PMEPA1: variants seen among roughly 807,000 people sequenced by gnomAD.
PMEPA1 encodes the protein prostate transmembrane protein, androgen induced 1.
Under a neutral mutation model 23.0 loss-of-function variants are expected in PMEPA1, and 11 were observed. The ratio of observed to expected loss-of-function variants is 0.48; its 90% CI spans 0.30 to 0.79. The LOEUF (loss-of-function observed/expected upper bound fraction) is 0.79. PMEPA1 is among the 30% of genes least tolerant of loss of function. PMEPA1 has a pLI of 0.06. For missense variants in PMEPA1, 377 were observed against 390.9 expected (o/e 0.96, Z 0.30); for synonymous variants, 204 against 166.4 (o/e 1.23, Z -1.74).
intron 1 of PMEPA1, among the ~76,000 whole-genome samples, chr20:57,672,953 T>C (rs1243178494): frequency 2.0e-5 from 3 of 152,196 alleles, no homozygotes; most frequent in Admixed American, 6.5e-5. Flanking sequence ...CACGGGTTGC[T>C]GTGTGGATGC....
rs6025695 is a variant in PMEPA1, at chr20:57,650,706, C to T, written c.*1347G>A. ...TTGGTGTTTGCTCAACTGCTTTACTCATTTTAACCCTTTCACCTATCCTGG... is the reference window on the plus strand; with the variant it reads ...TTGGTGTTTGCTCAACTGCTTTACTTATTTTAACCCTTTCACCTATCCTGG... On this transcript the variant is annotated 3_prime_UTR_variant, in exon 4 of 4. Transcript: ENST00000341744. 0.093 allele frequency: 14,106 copies of T among 152,288 alleles called. 1,306 individuals carry two copies. The highest frequency in any genetic ancestry group is 0.24 in the African/African-American group (9,844 of 41,528). 9.4% of individuals were successfully genotyped at this position (152,288 alleles called of 1,614,324 possible).
rs6015059 is a variant in PMEPA1 at position 57,704,330 on chromosome 20, C to T, written c.109+5144G>A. On this transcript the variant is annotated intron_variant, in intron 1 of 3. Transcript: ENST00000341744. This position sits in a 1 kb window ranked among gnomAD's most constrained non-coding sequence, Gnocchi z 4.6. Reference sequence around the variant, plus strand: ...TCCCTGAACCATGCTCCCCCAGCCTCGGGGAGCCCCTGGCACAGCATGGTA... The same window carrying T: ...TCCCTGAACCATGCTCCCCCAGCCTTGGGGAGCCCCTGGCACAGCATGGTA... 1.3e-3 allele frequency among the ~76,000 whole-genome samples: 198 copies of T among 152,272 alleles called. 1 individual carries two copies. The highest frequency in any genetic ancestry group is 4.5e-3 in the African/African-American group (189 of 41,548).
chr20:57,684,940 GCA>G (rs1304106912), intron 1 of PMEPA1, among the ~76,000 whole-genome samples: 1 of 152,010 alleles, frequency 6.6e-6, no homozygotes, highest in Non-Finnish European at 1.5e-5. Context: ...TATAAAATTA[GCA>G]CAGTCAAGTA....
At chr20:57,660,091 A>G (rs1460265658) in intron 1 of PMEPA1, among the ~76,000 whole-genome samples, 2 of 152,178 alleles carry the variant, frequency 1.3e-5, no homozygotes, top group Non-Finnish European at 2.9e-5. Context: ...AGCCCTGCGC[A>G]CTGGCTCCTG....
chr20:57,710,519 T>C, upstream of PMEPA1: 2 of 1,582,558 alleles, frequency 1.3e-6, no homozygotes, highest in East Asian at 2.4e-5. Flanking sequence ...TCGGGGATCA[T>C]GGCCCACTGA....
At chr20:57,661,517 T>G (rs1372669290) in intron 1 of PMEPA1, among the ~76,000 whole-genome samples, 3 of 152,124 alleles carry the variant, frequency 2.0e-5, no homozygotes. Context: ...AACAAGCAAT[T>G]AGCCAGGCTC....
intron 1 of PMEPA1, among the ~76,000 whole-genome samples, chr20:57,669,425 T>C (rs1363193557): frequency 6.6e-6 from 1 of 152,152 alleles, no homozygotes; most frequent in Non-Finnish European, 1.5e-5. Flanking sequence ...CCTCCAAAAG[T>C]GCTGGGATTA....
chr20:57,664,223 C>T (rs1048839470), intron 1 of PMEPA1, among the ~76,000 whole-genome samples: 12 of 152,166 alleles, frequency 7.9e-5, no homozygotes, highest in Non-Finnish European at 1.3e-4. Flanking sequence ...GGCCTGGTCC[C>T]GGGACTCACC....
intron 1 of PMEPA1, among the ~76,000 whole-genome samples, chr20:57,697,249 C>T (rs1037271431): frequency 5.3e-5 from 8 of 152,180 alleles, no homozygotes; most frequent in African/African-American, 1.2e-4. Flanking sequence ...ATCCACAACC[C>T]GATGGTCAAC....
chr20:57,684,339 C>T (rs1170867799), intron 1 of PMEPA1, among the ~76,000 whole-genome samples: 1 of 152,186 alleles, frequency 6.6e-6, no homozygotes, highest in African/African-American at 2.4e-5. Context: ...GCAGCCCTCG[C>T]TCCAGAAGGG....
At chr20:57,663,867 C>G (rs540705169) in intron 1 of PMEPA1, among the ~76,000 whole-genome samples, 65 of 152,306 alleles carry the variant, frequency 4.3e-4, no homozygotes, top group Middle Eastern at 3.4e-3. Flanking sequence ...CCCGAAATCT[C>G]CATCCAGCTC....
chr20:57,687,091 G>A (rs1429759803), intron 1 of PMEPA1, among the ~76,000 whole-genome samples: 1 of 152,258 alleles, frequency 6.6e-6, no homozygotes, highest in African/African-American at 2.4e-5. Context: ...CAGCCCACAA[G>A]CTCTGCCGTC....
intron 1 of PMEPA1, among the ~76,000 whole-genome samples, chr20:57,670,143 C>A (rs2071547559): frequency 6.6e-6 from 1 of 151,692 alleles, no homozygotes; most frequent in Admixed American, 6.6e-5. Context: ...AAGGTGGCAT[C>A]CAGGCACCAG....
intron 1 of PMEPA1, among the ~76,000 whole-genome samples, chr20:57,689,590 G>A (rs895854900): frequency 6.6e-6 from 1 of 152,184 alleles, no homozygotes; most frequent in Non-Finnish European, 1.5e-5. Context: ...TTTGCCCGTC[G>A]CTAAAGGAAC....
At chr20:57,696,231 G>T (rs2071941731) in intron 1 of PMEPA1, among the ~76,000 whole-genome samples, 1 of 152,202 alleles carries the variant, frequency 6.6e-6, no homozygotes, top group South Asian at 2.1e-4. Context: ...CGGTTCTGAG[G>T]CTCAGGGGAA....
At chr20:57,699,639 C>A (rs556996019) in intron 1 of PMEPA1, among the ~76,000 whole-genome samples, 4 of 152,346 alleles carry the variant, frequency 2.6e-5, no homozygotes, top group Admixed American at 1.3e-4. Context: ...GGTAACTAGG[C>A]AACTGAGACC....
intron 1 of PMEPA1, among the ~76,000 whole-genome samples, chr20:57,685,692 TG>T (rs1168648321): frequency 1.3e-5 from 2 of 152,094 alleles, no homozygotes; most frequent in African/African-American, 2.4e-5. Context: ...GGACTGTACG[TG>T]GCCGCCCAGC....
At chr20:57,665,469 G>A (rs1056197781) in intron 1 of PMEPA1, among the ~76,000 whole-genome samples, 1 of 149,382 alleles carries the variant, frequency 6.7e-6, no homozygotes, top group Admixed American at 6.6e-5. Context: ...GTGATGCTGT[G>A]CGCATCTACC....
At chr20:57,663,500 A>G (rs1257333741) in intron 1 of PMEPA1, among the ~76,000 whole-genome samples, 1 of 152,130 alleles carries the variant, frequency 6.6e-6, no homozygotes, top group African/African-American at 2.4e-5. Context: ...CTGGAGGTGG[A>G]CCCAGACACG....
Sources: allele counts gnomAD v4.1 joint callset (sites outside exome capture counted in the v4.1 genomes callset), GRCh38; gene constraint gnomAD v4.1.1; non-coding constraint Gnocchi (gnomAD v3.1); transcripts MANE v1.5; gene names NCBI Gene and HGNC (gene_info 2026-07-23, HGNC 2026-07-21).